SEMA4D: variants seen among roughly 807,000 people sequenced by gnomAD.
The protein encoded by SEMA4D is semaphorin-4D.
A neutral mutation model predicts 74.8 loss-of-function variants in SEMA4D; 22 were observed. The observed-to-expected ratio is 0.29, with a 90% confidence interval of 0.21 to 0.42. The LOEUF (loss-of-function observed/expected upper bound fraction) is 0.42. Among genes scored for constraint, SEMA4D ranks in the 10% least tolerant of loss-of-function variants. SEMA4D has a pLI of 1.00. For synonymous variants in SEMA4D, 445 were observed against 463.7 expected, an observed-to-expected ratio of 0.96 and a Z score of 0.52; for missense variants, 937 against 1,118.4, an observed-to-expected ratio of 0.84 and a Z score of 2.31.
intron 2 of SEMA4D, among the ~76,000 whole-genome samples, chr9:89,430,376 A>G (rs1280210409): frequency 6.6e-6 from 1 of 152,178 alleles, no homozygotes; most frequent in Non-Finnish European, 1.5e-5. Flanking sequence ...TCCAAGCTTC[A>G]GAGGGAGACA....
intron 2 of SEMA4D, among the ~76,000 whole-genome samples, chr9:89,452,737 G>A (rs1854912743): frequency 6.6e-6 from 1 of 152,234 alleles, no homozygotes; most frequent in African/African-American, 2.4e-5. Context: ...ATATGCGTGA[G>A]CCACCACGCC....
Position 89,462,086 on chromosome 9 carries a change from C to T in SEMA4D, c.-309-6133G>A, listed in dbSNP as rs111283075. 5.5e-3 allele frequency among the ~76,000 whole-genome samples: 839 copies of T among 152,164 alleles called. 7 individuals are homozygous for T. Among genetic ancestry groups the T allele is most frequent in the African/African-American group, 0.019 (796 of 41,492 alleles). ...CTGCTTTTCCTAGTGATGCATTAAACGTGGTTTGGGTTAAGAAGGGAAATT... is the reference window on the plus strand; with the variant it reads ...CTGCTTTTCCTAGTGATGCATTAAATGTGGTTTGGGTTAAGAAGGGAAATT... On this transcript the variant is annotated intron_variant, in intron 1 of 15. Coordinates refer to ENST00000422704, the MANE Select transcript of SEMA4D (RefSeq NM_001371194.2).
intron 4 of SEMA4D, among the ~76,000 whole-genome samples, chr9:89,399,582 A>G (rs919598648): frequency 2.6e-5 from 4 of 152,152 alleles, no homozygotes; most frequent in African/African-American, 9.7e-5. Flanking sequence ...AAGTTCCATC[A>G]CTCACCATAA....
intron 2 of SEMA4D, among the ~76,000 whole-genome samples, chr9:89,448,983 G>A (rs1853655706): frequency 6.6e-6 from 1 of 152,188 alleles, no homozygotes; most frequent in Non-Finnish European, 1.5e-5. Flanking sequence ...CCTGCAGGCT[G>A]AGCACGCCCA....
At chr9:89,464,141 C>T (rs1858058465) in intron 1 of SEMA4D, among the ~76,000 whole-genome samples, 1 of 152,140 alleles carries the variant, frequency 6.6e-6, no homozygotes, top group Non-Finnish European at 1.5e-5. Flanking sequence ...AAAACTGCCA[C>T]AAAACCGCAC....
chr9:89,362,530 A>G, intron 18 of SEMA4D: 8 of 1,598,822 alleles, frequency 5.0e-6, no homozygotes, highest in Non-Finnish European at 6.0e-6. Context: ...AGAGCACTCA[A>G]GGCCTCAGCC....
In SEMA4D at chr9:89,484,913, T is replaced by A. The variant is rs539299752; in HGVS notation, c.-310+13006A>T. On this transcript the variant is annotated intron_variant, in intron 1 of 15. Transcript: ENST00000422704. This position sits in a 1 kb window ranked among gnomAD's most constrained non-coding sequence, Gnocchi z 4.1. The stretch of plus-strand genomic sequence containing the variant: ...TGTGTAGTGTGTGGTATGGGGTGTG[T>A]GGTGTGATGTGTATGTGTGTGTTGT... Among the ~76,000 whole-genome samples, 1 of 151,206 alleles carries A rather than the reference T, an allele frequency of 6.6e-6. No homozygotes were observed. The highest frequency in any genetic ancestry group is 2.1e-4 in the South Asian group (1 of 4,774).
In SEMA4D at chr9:89,364,088, G is replaced by C. The variant is rs1833195364; in HGVS notation, c.1883-138C>G. The C allele has an allele frequency of 4.5e-6, 7 of 1,552,996 alleles. No homozygotes were observed. The South Asian group carries it at 8.5e-5, about 19-fold the overall frequency. On this transcript the variant is annotated intron_variant, in intron 16 of 18. Coordinates refer to the SEMA4D transcript ENST00000339861. ...TGGGACAACTTCCAATTCAGTCCCT[G>C]GGACTGCCCTGGAGGTGGCTTCCCC... is the stretch of plus-strand genomic sequence containing the variant.
chr9:89,435,591 A>G (rs1023127231), intron 2 of SEMA4D, among the ~76,000 whole-genome samples: 2 of 152,150 alleles, frequency 1.3e-5, no homozygotes, highest in Non-Finnish European at 2.9e-5. Context: ...AGTGCCGGGC[A>G]TGTACTTTGA....
intron 1 of SEMA4D, 98 bp downstream of exon 1, chr9:89,497,820 AG>A (rs1826153724): frequency 1.3e-5 from 2 of 150,882 alleles, no homozygotes; most frequent in Admixed American, 1.3e-4. Context: ...TGAGGAGCCT[AG>A]GGGTGTGGAG....
downstream of SEMA4D, chr9:89,376,521 G>T: frequency 3.6e-6 from 1 of 276,354 alleles, no homozygotes; most frequent in Non-Finnish European, 6.8e-6. Flanking sequence ...GACTATGGCT[G>T]GTTTTACAAT....
downstream of SEMA4D, among the ~76,000 whole-genome samples, chr9:89,373,804 C>A (rs567589620): frequency 4.3e-4 from 66 of 152,344 alleles, no homozygotes; most frequent in African/African-American, 1.6e-3. Flanking sequence ...TGGGCCTCAC[C>A]TGGAATGGCT....
At position 89,363,811 on chromosome 9, in the gene SEMA4D, C is replaced by CGA. The variant is rs1833139553; in HGVS notation, c.2021_2022insTC (p.Glu674AspfsTer22). 6.2e-7 allele frequency: 1 copy of CGA among 1,614,118 alleles called. No homozygotes were observed. Among genetic ancestry groups the CGA allele is most frequent in the South Asian group, 1.1e-5 (1 of 91,090 alleles). ...CTGAGGAGAGGACAGAGCAGCGATA[C>CGA]TCAGCGCTTTCCCTGATGGCGTCCT... On this transcript the variant is annotated frameshift_variant, in exon 17 of 19. Transcript: ENST00000339861. LOFTEE classifies it high-confidence loss of function.
At chr9:89,458,921 G>A (rs1856608500) in intron 1 of SEMA4D, among the ~76,000 whole-genome samples, 1 of 117,012 alleles carries the variant, frequency 8.5e-6, no homozygotes, top group Non-Finnish European at 2.1e-5. Flanking sequence ...CAGATATACT[G>A]CACACACCCA....
intron 1 of SEMA4D, among the ~76,000 whole-genome samples, chr9:89,480,859 G>A (rs1356269036): frequency 2.0e-5 from 3 of 152,238 alleles, no homozygotes; most frequent in African/African-American, 7.2e-5. Context: ...CCCAGAAAGG[G>A]GCTCCCACAG....
intron 16 of SEMA4D, among the ~76,000 whole-genome samples, chr9:89,371,245 G>A (rs1241612512): frequency 7.7e-6 from 1 of 129,572 alleles, no homozygotes; most frequent in African/African-American, 2.9e-5. Flanking sequence ...GGTAGGGTGC[G>A]TATGTGGGGT....
At chr9:89,477,846 T>C (rs1862155126) in intron 1 of SEMA4D, among the ~76,000 whole-genome samples, 1 of 152,132 alleles carries the variant, frequency 6.6e-6, no homozygotes, top group Non-Finnish European at 1.5e-5. Context: ...ACACTAAATA[T>C]CCAACAAGTA....
At chr9:89,485,625 C>T (rs1439106353) in intron 1 of SEMA4D, among the ~76,000 whole-genome samples, 1 of 151,866 alleles carries the variant, frequency 6.6e-6, no homozygotes, top group Non-Finnish European at 1.5e-5. Context: ...CCCATCTCTA[C>T]TAAAAATACA....
intron 7 of SEMA4D, among the ~76,000 whole-genome samples, chr9:89,393,107 T>G (rs574506037): frequency 5.9e-5 from 9 of 152,218 alleles, no homozygotes; most frequent in Non-Finnish European, 8.8e-5. Context: ...GATAATTTCA[T>G]GCTCCATGTT....
Sources: gnomAD v4.1 joint callset for allele counts (sites outside exome capture counted in the v4.1 genomes callset) on GRCh38, gnomAD v4.1.1 for gene constraint, Gnocchi (gnomAD v3.1) non-coding constraint, MANE v1.5 for transcripts, NCBI Gene and HGNC (gene_info 2026-07-23, HGNC 2026-07-21) for gene names.